GNAT3: variants seen among roughly 807,000 people sequenced by gnomAD.
The protein encoded by GNAT3 is G protein subunit alpha transducin 3.
Under a neutral mutation model 37.7 loss-of-function variants are expected in GNAT3, and 31 were observed. That is an observed-to-expected ratio of 0.82 (90% CI 0.62 to 1.11). The LOEUF (loss-of-function observed/expected upper bound fraction) is 1.11. Among genes scored for constraint, GNAT3 ranks in the 50% most tolerant of loss-of-function variants. The pLI, the probability that GNAT3 is intolerant of heterozygous loss-of-function variation, is 0.00. For missense variants in GNAT3, 437 were observed against 412.5 expected, an observed-to-expected ratio of 1.06 and a Z score of -0.51; for synonymous variants, 138 against 139.8, an observed-to-expected ratio of 0.99 and a Z score of 0.09.
At chr7:80,487,120 T>A (rs887935322) in intron 3 of GNAT3, among the ~76,000 whole-genome samples, 1 of 152,184 alleles carries the variant, frequency 6.6e-6, no homozygotes, top group African/African-American at 2.4e-5. Context: ...AACTAATCTT[T>A]GAGCCTTGTT....
chr7:80,479,108 AATTCC>A, intron 3 of GNAT3, 110 bp from the exon 4 acceptor site: 1 of 775,934 alleles, frequency 1.3e-6, no homozygotes, highest in Non-Finnish European at 2.0e-6. Flanking sequence ...TTTAGCTAAT[AATTCC>A]ACCAAACATC....
intron 5 of GNAT3, among the ~76,000 whole-genome samples, chr7:80,473,158 C>G (rs900680031): frequency 2.0e-5 from 3 of 152,106 alleles, no homozygotes; most frequent in Non-Finnish European, 4.4e-5. Flanking sequence ...CCTACATTTG[C>G]CAAGAGAGGA....
chr7:80,508,643 A>G (rs1052582032), intron 1 of GNAT3, among the ~76,000 whole-genome samples: 2 of 152,040 alleles, frequency 1.3e-5, no homozygotes, highest in African/African-American at 4.8e-5. Context: ...CTTTTTGCTA[A>G]AATAAAACAC....
At position 80,493,621 on chromosome 7, in the gene GNAT3, CTCT is replaced by C. The variant is rs199989783; in HGVS notation, c.161+981_161+983del. 4.3e-3 allele frequency among the ~76,000 whole-genome samples: 441 copies of C among 103,264 alleles called. 1 individual carries two copies. Among genetic ancestry groups the C allele is most frequent in the African/African-American group, 8.1e-3 (151 of 18,726 alleles). 67.7% of individuals were successfully genotyped at this position (103,264 alleles called of 152,430 possible). The stretch of plus-strand genomic sequence containing the variant: ...TCCTCTTTCCTCCTCCTCCTCTTTC[CTCT>C]TCCTCCTCCTCTTTCCTCCTCCTCC... On this transcript the variant is annotated intron_variant, in intron 2 of 7. Coordinates refer to ENST00000398291, the MANE Select transcript of GNAT3 (RefSeq NM_001102386.3).
intron 5 of GNAT3, among the ~76,000 whole-genome samples, chr7:80,463,306 T>C (rs1790082406): frequency 6.6e-6 from 1 of 152,174 alleles, no homozygotes; most frequent in Non-Finnish European, 1.5e-5. Context: ...GCCTTTCCTC[T>C]ACTTTTATAT....
intron 5 of GNAT3, among the ~76,000 whole-genome samples, chr7:80,463,165 G>GAA (rs1420964709): frequency 1.3e-5 from 2 of 151,854 alleles, no homozygotes; most frequent in Non-Finnish European, 2.9e-5. Flanking sequence ...GTCTTGTAGA[G>GAA]AAAAAAACAA....
chr7:80,509,015 A>G (rs1562737657), intron 1 of GNAT3, among the ~76,000 whole-genome samples: 1 of 152,118 alleles, frequency 6.6e-6, no homozygotes, highest in Admixed American at 6.6e-5. Flanking sequence ...GTACTCACTG[A>G]TAAACTTAAA....
At chr7:80,492,274 G>A (rs1790608357) in intron 2 of GNAT3, among the ~76,000 whole-genome samples, 1 of 152,020 alleles carries the variant, frequency 6.6e-6, no homozygotes, top group Admixed American at 6.6e-5. Flanking sequence ...AACCTGAGAG[G>A]TGGAGGTTGC....
At chr7:80,471,740 A>C (rs1342621637) in intron 5 of GNAT3, among the ~76,000 whole-genome samples, 1 of 152,166 alleles carries the variant, frequency 6.6e-6, no homozygotes, top group African/African-American at 2.4e-5. Context: ...TGAAGACAGA[A>C]AGATATGCAT....
At chr7:80,466,696 G>A (rs529968801) in intron 5 of GNAT3, among the ~76,000 whole-genome samples, 1 of 152,070 alleles carries the variant, frequency 6.6e-6, no homozygotes, top group Non-Finnish European at 1.5e-5. Flanking sequence ...ACAACATAAT[G>A]TTTTCAAATG....
chr7:80,463,673 G>A (rs924005226), intron 5 of GNAT3, among the ~76,000 whole-genome samples: 7 of 151,898 alleles, frequency 4.6e-5, no homozygotes, highest in Middle Eastern at 3.4e-3. Flanking sequence ...CATGAGGTCA[G>A]GAACGTTATC....
chr7:80,511,223 A>C (rs1046310516), intron 1 of GNAT3, among the ~76,000 whole-genome samples: 3 of 152,150 alleles, frequency 2.0e-5, no homozygotes, highest in African/African-American at 7.2e-5. Context: ...ATGAATATAT[A>C]AATGCTCTAA....
chr7:80,475,498 A>G (rs1421096814), intron 4 of GNAT3, among the ~76,000 whole-genome samples: 1 of 152,150 alleles, frequency 6.6e-6, no homozygotes, highest in Non-Finnish European at 1.5e-5. Context: ...TAGTAATAGC[A>G]TGGTAATGCC....
chr7:80,500,117 A>C (rs977765246), intron 1 of GNAT3, among the ~76,000 whole-genome samples: 2 of 152,102 alleles, frequency 1.3e-5, no homozygotes, highest in Non-Finnish European at 2.9e-5. Context: ...TATGCTGTAG[A>C]TACCAGATTT....
At chr7:80,487,961 A>G (rs1267246618) in intron 3 of GNAT3, among the ~76,000 whole-genome samples, 1 of 152,188 alleles carries the variant, frequency 6.6e-6, no homozygotes, top group Non-Finnish European at 1.5e-5. Flanking sequence ...AGCAAAATAT[A>G]AAGTAGGGAG....
At chr7:80,507,363 T>A (rs1310107336) in intron 1 of GNAT3, among the ~76,000 whole-genome samples, 1 of 151,896 alleles carries the variant, frequency 6.6e-6, no homozygotes, top group Non-Finnish European at 1.5e-5. Context: ...ACACATAGAA[T>A]AAAAATAATC....
chr7:80,491,117 C>T (rs775783629), intron 2 of GNAT3, among the ~76,000 whole-genome samples: 1 of 152,004 alleles, frequency 6.6e-6, no homozygotes, highest in Non-Finnish European at 1.5e-5. Flanking sequence ...GTAGAAGCTC[C>T]TTAGGAAGAT....
At chr7:80,462,096 A>G (rs1790059526) in intron 7 of GNAT3, 63 bp downstream of exon 7, 3 of 1,042,496 alleles carry the variant, frequency 2.9e-6, no homozygotes, top group South Asian at 1.6e-5. Flanking sequence ...GTCAAGATCC[A>G]GATAGGAAAT....
chr7:80,508,325 T>C (rs1236114723), intron 1 of GNAT3, among the ~76,000 whole-genome samples: 1 of 151,754 alleles, frequency 6.6e-6, no homozygotes, highest in East Asian at 1.9e-4. Flanking sequence ...TGAAATTTGA[T>C]GTAATAAGCA....
Sources: allele counts gnomAD v4.1 joint callset (sites outside exome capture counted in the v4.1 genomes callset), GRCh38; gene constraint gnomAD v4.1.1; transcripts MANE v1.5; gene names NCBI Gene and HGNC (gene_info 2026-07-23, HGNC 2026-07-21).